The following ZNF831 variants were observed in gnomAD, a reference collection of about 807,000 sequenced individuals.
ZNF831 encodes chromosome 20 open reading frame 174.
ZNF831 carries 59 observed loss-of-function variants against 95.8 expected under a neutral mutation model. That is an observed-to-expected ratio of 0.62 (90% CI 0.50 to 0.77). The LOEUF (loss-of-function observed/expected upper bound fraction) is 0.77. Ranked by LOEUF, ZNF831 falls within the 30% of genes least tolerant of loss-of-function variation. The pLI, the probability that ZNF831 is intolerant of heterozygous loss-of-function variation, is 0.00. For synonymous variants in ZNF831, 961 were observed against 925.5 expected (o/e 1.04, Z -0.70); for missense variants, 2,205 against 2,164.0 (o/e 1.02, Z -0.38).
intron 5 of ZNF831, among the ~76,000 whole-genome samples, chr20:59,253,463 C>T (rs1220070272): frequency 2.0e-5 from 3 of 151,976 alleles, no homozygotes; most frequent in Non-Finnish European, 2.9e-5. Context: ...TGTGGGGCTG[C>T]GTGTTGAAAA....
At chr20:59,175,478 C>T (rs73306896) in intron 1 of ZNF831, among the ~76,000 whole-genome samples, 20,800 of 151,396 alleles carry the variant, frequency 0.14, 1,558 homozygotes, top group African/African-American at 0.19. Flanking sequence ...GGGTAATTTC[C>T]ATTGTCCTAT....
chr20:59,212,539 A>G (rs1985413449), intron 4 of ZNF831, among the ~76,000 whole-genome samples: 1 of 152,190 alleles, frequency 6.6e-6, no homozygotes, highest in African/African-American at 2.4e-5. Flanking sequence ...GAATGGACAG[A>G]AGTTTTGCCG....
At chr20:59,253,867 C>CCCCTTTTTTTTTTTTTTGT in intron 5 of ZNF831, 31 bp from the exon 6 acceptor site, 1 of 1,142,332 alleles carries the variant, frequency 8.8e-7, no homozygotes, top group South Asian at 1.7e-5. Flanking sequence ...CCTCCCCCCC[C>CCCCTTTTTTTTTTTTTTGT]ACTTTTTTTT....
intron 4 of ZNF831, among the ~76,000 whole-genome samples, chr20:59,221,923 G>A (rs1986101763): frequency 6.6e-6 from 1 of 152,074 alleles, no homozygotes; most frequent in South Asian, 2.1e-4. Context: ...AGCACCCCCG[G>A]GTGCAAAGCA....
rs1983623850 is a variant in ZNF831 at position 59,192,203 on chromosome 20, C to G, written c.1184C>G (p.Ala395Gly). Residue 395 changes from alanine (A) to glycine (G), a missense_variant, in exon 2 of 6, where the codon GCC becomes GGC. Physicochemically the swap from Ala to Gly is moderately conservative, Grantham distance 60. Coordinates refer to ENST00000371030, the MANE Select transcript of ZNF831 (RefSeq NM_178457.3). The surrounding 1 kb of genome is among the most constrained non-coding windows in gnomAD (Gnocchi z 5.2). Reference sequence around the variant, plus strand: ...GGGGCCGAGCCCGGGGCGCGAGAAGCCGGCCTGGAGCTGGAGAAGAAGCGG... The same window carrying G: ...GGGGCCGAGCCCGGGGCGCGAGAAGGCGGCCTGGAGCTGGAGAAGAAGCGG... Reference protein sequence around the residue: ...VAGAEPGAREAGLELEKKRLE... With the variant: ...VAGAEPGAREGGLELEKKRLE... 1.3e-6 allele frequency: 2 copies of G among 1,579,154 alleles called. No individual in the cohort carries two copies. The highest frequency in any genetic ancestry group is 8.6e-7 in the Non-Finnish European group (1 of 1,164,078).
At chr20:59,149,456 G>A (rs1725277514) in intron 2 of ZNF831, among the ~76,000 whole-genome samples, 1 of 152,248 alleles carries the variant, frequency 6.6e-6, no homozygotes, top group Non-Finnish European at 1.5e-5. Context: ...TATGGAGGAA[G>A]AAACGGAGTC....
intron 3 of ZNF831, among the ~76,000 whole-genome samples, chr20:59,202,514 G>GTGGAT (rs1213139754): frequency 6.6e-6 from 1 of 152,124 alleles, no homozygotes; most frequent in Admixed American, 6.5e-5. Context: ...TGGGTTGAAG[G>GTGGAT]TGGATTCCTC....
At chr20:59,158,201 G>T (rs1217249645) in intron 2 of ZNF831, among the ~76,000 whole-genome samples, 1 of 152,230 alleles carries the variant, frequency 6.6e-6, no homozygotes, top group East Asian at 1.9e-4. Context: ...TGGCGACAGG[G>T]AGCTGCAGAA....
chr20:59,153,833 A>T (rs1023644129), intron 2 of ZNF831, among the ~76,000 whole-genome samples: 13 of 152,228 alleles, frequency 8.5e-5, no homozygotes, highest in Admixed American at 1.3e-4. Context: ...CCAAGTACCT[A>T]ATTGGAGCTG....
intron 4 of ZNF831, among the ~76,000 whole-genome samples, chr20:59,241,209 C>T (rs961769505): frequency 6.6e-6 from 1 of 152,072 alleles, no homozygotes; most frequent in African/African-American, 2.4e-5. Context: ...TACATGCGAC[C>T]TTGAGGTTCA....
upstream of ZNF831, among the ~76,000 whole-genome samples, chr20:59,163,525 C>T: frequency 6.6e-6 from 1 of 152,206 alleles, no homozygotes; most frequent in Non-Finnish European, 1.5e-5. Context: ...TGTGGAGGTT[C>T]TGCAAACACT....
At chr20:59,137,945 A>C (rs576326031) in intron 1 of ZNF831, among the ~76,000 whole-genome samples, 2 of 152,130 alleles carry the variant, frequency 1.3e-5, no homozygotes, top group African/African-American at 4.8e-5. Context: ...TTTGGACTTC[A>C]TGCATTGGTT....
intron 4 of ZNF831, among the ~76,000 whole-genome samples, chr20:59,237,882 A>C (rs1277069810): frequency 1.3e-5 from 2 of 152,202 alleles, no homozygotes; most frequent in African/African-American, 4.8e-5. Context: ...AAGCTCGGCC[A>C]GCCCCTGCCC....
chr20:59,191,499 G>A lies in ZNF831; in HGVS notation c.480G>A (p.Glu160=), dbSNP rs1983521095. The change falls in exon 2 of 6, where the codon GAG becomes GAA. Residue 160 remains glutamate, a synonymous_variant. Coordinates refer to ENST00000371030, the MANE Select transcript of ZNF831 (RefSeq NM_178457.3). The part of the protein sequence containing the change: ...GRDCLKPSVL[E]KHIRSHTGER... ...ACTGCCTGAAGCCCAGTGTTCTAGA[G>A]AAGCACATCCGGTCCCACACGGGTG... 6.2e-7 allele frequency: 1 copy of A among 1,613,044 alleles called. No individual in the cohort carries two copies. The highest frequency in any genetic ancestry group is 1.7e-5 in the Admixed American group (1 of 60,010).
At chr20:59,181,109 A>G (rs924446777) in intron 1 of ZNF831, among the ~76,000 whole-genome samples, 14 of 152,124 alleles carry the variant, frequency 9.2e-5, no homozygotes, top group African/African-American at 3.1e-4. Context: ...TTTGATTTGC[A>G]TTTCTCTAAT....
chr20:59,186,243 C>A (rs1380293801), intron 1 of ZNF831, among the ~76,000 whole-genome samples: 1 of 152,124 alleles, frequency 6.6e-6, no homozygotes, highest in African/African-American at 2.4e-5. Context: ...GGGATCACCT[C>A]CCAAATAAAA....
chr20:59,237,288 A>G (rs1428257100), intron 4 of ZNF831, among the ~76,000 whole-genome samples: 1 of 152,172 alleles, frequency 6.6e-6, no homozygotes, highest in Non-Finnish European at 1.5e-5. Flanking sequence ...TCCTAAGAGG[A>G]TAGCAGGGCT....
chr20:59,175,277 T>C (rs984802700), intron 1 of ZNF831, among the ~76,000 whole-genome samples: 3 of 152,148 alleles, frequency 2.0e-5, no homozygotes, highest in Admixed American at 6.5e-5. Flanking sequence ...TGTAGCTTTA[T>C]GTCTTCTGCC....
At chr20:59,151,420 A>T (rs532182156) in intron 2 of ZNF831, among the ~76,000 whole-genome samples, 36 of 152,296 alleles carry the variant, frequency 2.4e-4, no homozygotes, top group African/African-American at 7.7e-4. Flanking sequence ...GTGAGCGTTG[A>T]CCAGGTGTTT....
Sources: gnomAD v4.1 joint callset for allele counts (sites outside exome capture counted in the v4.1 genomes callset) on GRCh38, gnomAD v4.1.1 for gene constraint, Gnocchi (gnomAD v3.1) non-coding constraint, MANE v1.5 for transcripts, NCBI Gene and HGNC (gene_info 2026-07-23, HGNC 2026-07-21) for gene names.